ELMOD3: variants seen among roughly 807,000 people sequenced by gnomAD.
ELMOD3 encodes ELMO domain containing 3, also known as ELMO domain-containing protein 3.
A neutral mutation model predicts 47.4 loss-of-function variants in ELMOD3; 36 were observed. That is an observed-to-expected ratio of 0.76 (90% CI 0.58 to 1.00). The LOEUF (loss-of-function observed/expected upper bound fraction) is 1.00, where lower values mean the gene tolerates loss of function less well. Among genes scored for constraint, ELMOD3 ranks in the 50% least tolerant of loss-of-function variants. The pLI, the probability that ELMOD3 is intolerant of heterozygous loss-of-function variation, is 0.00. For missense variants in ELMOD3, 404 were observed against 463.8 expected (o/e 0.87, Z 1.18); for synonymous variants, 149 against 183.5 (o/e 0.81, Z 1.52).
intron 5 of ELMOD3, 24 bp from the exon 6 acceptor site, chr2:85,363,073 G>A: frequency 6.6e-7 from 1 of 1,525,258 alleles, no homozygotes; most frequent in Non-Finnish European, 9.1e-7. Flanking sequence ...CTATCCTCAA[G>A]CTAAAGGTCA....
At chr2:85,372,807 T>A (rs1051337683) in intron 10 of ELMOD3, 5 of 148,852 alleles carry the variant, frequency 3.4e-5, no homozygotes, top group African/African-American at 1.2e-4. Flanking sequence ...GGACAATCGC[T>A]TGAAACCGGG....
chr2:85,387,144 A>T, intron 11 of ELMOD3: 4 of 1,298,798 alleles, frequency 3.1e-6, no homozygotes, highest in Non-Finnish European at 4.1e-6. Flanking sequence ...AGTATATATG[A>T]TCATTAAATA....
intron 6 of ELMOD3, among the ~76,000 whole-genome samples, chr2:85,365,682 TG>T (rs1249218499): frequency 6.6e-6 from 1 of 152,220 alleles, no homozygotes; most frequent in Non-Finnish European, 1.5e-5. Flanking sequence ...AGCTTGCTAT[TG>T]CTGGTGGAAA....
At chr2:85,356,099 A>G (rs144525036) in intron 3 of ELMOD3, 21 of 152,362 alleles carry the variant, frequency 1.4e-4, no homozygotes, top group Non-Finnish European at 1.6e-4. Context: ...CGGATGTCCA[A>G]TTCCCCTGTG....
chr2:85,369,837 G>C lies in ELMOD3; in HGVS notation c.360+7G>C. On this transcript the variant is annotated splice_region_variant and intron_variant, in intron 8 of 13. Transcript: ENST00000409013. ...GGACCTTTCCCCCTTCAAGGTATGA[G>C]GGTAGCAGGGTTTGGAGTCTCAAGC... is the stretch of plus-strand genomic sequence containing the variant. The C allele has an allele frequency of 6.2e-7, 1 of 1,613,826 alleles. No homozygotes were observed. The highest frequency in any genetic ancestry group is 8.5e-7 in the Non-Finnish European group (1 of 1,179,852).
intron 11 of ELMOD3, among the ~76,000 whole-genome samples, chr2:85,385,777 T>G (rs953847860): frequency 7.0e-6 from 1 of 143,340 alleles, no homozygotes; most frequent in Non-Finnish European, 1.5e-5. Context: ...TCTAACTTAC[T>G]TTTTTTTTTT....
intron 9 of ELMOD3, 28 bp downstream of exon 9, chr2:85,371,237 G>A (rs1381630267): frequency 1.9e-6 from 3 of 1,614,102 alleles, no homozygotes; most frequent in South Asian, 1.1e-5. Flanking sequence ...CCACAGGGCA[G>A]TTGCTGCATC....
chr2:85,380,403 T>C (rs999654036), intron 11 of ELMOD3, among the ~76,000 whole-genome samples: 1 of 152,388 alleles, frequency 6.6e-6, no homozygotes, highest in South Asian at 2.1e-4. Context: ...TGCTTTGATA[T>C]TCATGAACAT....
At chr2:85,380,198 C>T (rs1462890936) in intron 11 of ELMOD3, among the ~76,000 whole-genome samples, 1 of 152,102 alleles carries the variant, frequency 6.6e-6, no homozygotes, top group Non-Finnish European at 1.5e-5. Context: ...AAATAGTTTC[C>T]AAATTCTGGA....
intron 11 of ELMOD3, among the ~76,000 whole-genome samples, chr2:85,386,565 AG>A (rs1016531448): frequency 6.6e-6 from 1 of 151,960 alleles, no homozygotes; most frequent in African/African-American, 2.4e-5. Flanking sequence ...TTGCGTTTTT[AG>A]GAGAGACAGC....
intron 12 of ELMOD3, 132 bp downstream of exon 12, chr2:85,389,959 G>A: frequency 3.8e-6 from 4 of 1,058,232 alleles, no homozygotes; most frequent in Non-Finnish European, 5.9e-6. Context: ...CCATGCACCG[G>A]TCTCCCCAGG....
At position 85,377,334 on chromosome 2, in the gene ELMOD3, T is replaced by A. The variant is rs1244088561; in HGVS notation, c.608-10T>A. The stretch of plus-strand genomic sequence containing the variant: ...TGCCACACCCTGTTTCCTCACGGTC[T>A]CTGTTACAGGAGCGAATCCAGCCAC... On this transcript the variant is annotated splice_polypyrimidine_tract_variant and intron_variant, in intron 10 of 13. Transcript: ENST00000409013. 3.2e-6 allele frequency: 5 copies of A among 1,581,742 alleles called. No individual in the cohort carries two copies. In the South Asian group the frequency reaches 5.8e-5, roughly 18 times the overall value.
chr2:85,379,172 A>G (rs972466191), intron 11 of ELMOD3, among the ~76,000 whole-genome samples: 3 of 152,040 alleles, frequency 2.0e-5, no homozygotes, highest in Non-Finnish European at 4.4e-5. Flanking sequence ...AAAAAAAAGG[A>G]GGAAAAGAAA....
chr2:85,374,364 TG>T (rs1455329748), intron 10 of ELMOD3, among the ~76,000 whole-genome samples: 1 of 152,098 alleles, frequency 6.6e-6, no homozygotes, highest in Admixed American at 6.6e-5. Flanking sequence ...TTTCTTGAGA[TG>T]GAGTCTCACT....
At position 85,382,952 on chromosome 2, in the gene ELMOD3, AAAC is replaced by A. The variant is rs1429136439; in HGVS notation, c.738+5481_738+5483del. ...TCCCAGAAGCAGGAAAAAAAAAAAAAAACAAAAAAAACTCATCTTCCCTGTTAG... is the reference window on the plus strand; with the variant it reads ...TCCCAGAAGCAGGAAAAAAAAAAAAAAAAAAAAACTCATCTTCCCTGTTAG... On this transcript the variant is annotated intron_variant, in intron 11 of 13. Coordinates refer to ENST00000409013, the MANE Select transcript of ELMOD3 (RefSeq NM_001135022.2). 7.0e-3 allele frequency among the ~76,000 whole-genome samples: 928 copies of A among 132,014 alleles called. 17 individuals carry two copies. The highest frequency in any genetic ancestry group is 0.021 in the African/African-American group (842 of 39,574). The allele number at this position is 132,014 out of a possible 152,430, so 86.6% of individuals were successfully genotyped here.
chr2:85,371,492 T>TA lies in ELMOD3; in HGVS notation c.539dup (p.Lys181GlufsTer8), dbSNP rs1684786870. On this transcript the variant is annotated frameshift_variant, in exon 10 of 14. Coordinates refer to ENST00000409013, the MANE Select transcript of ELMOD3 (RefSeq NM_001135022.2). LOFTEE classifies it high-confidence loss of function. ...ATGGCCGAGTCCTCCAGACCATCTA[T>TA]AAGAAGCTGACCGGCTCCAAGTTTG... The TA allele has an allele frequency of 1.2e-6, 2 of 1,614,224 alleles. No individual in the cohort carries two copies. Among genetic ancestry groups the TA allele is most frequent in the Non-Finnish European group, 1.7e-6 (2 of 1,180,040 alleles).
chr2:85,368,006 C>T (rs1319631178), intron 6 of ELMOD3, among the ~76,000 whole-genome samples: 1 of 151,994 alleles, frequency 6.6e-6, no homozygotes, highest in Non-Finnish European at 1.5e-5. Flanking sequence ...CCGCCTCCCG[C>T]GTTCACGCAT....
Position 85,371,572 on chromosome 2 carries a change from A to G in ELMOD3, c.607+10A>G. 6.2e-7 allele frequency: 1 copy of G among 1,613,990 alleles called. No individual in the cohort carries two copies. The highest frequency in any genetic ancestry group is 8.5e-7 in the Non-Finnish European group (1 of 1,179,928). On this transcript the variant is annotated intron_variant, in intron 10 of 13. Transcript: ENST00000409013. ...GACCTGGGCTTTCAGGGTAAGAGGG[A>G]GGAGTAGCTCATCTTCTTTTTCATG...
intron 9 of ELMOD3, 55 bp downstream of exon 9, chr2:85,371,264 CGT>C (rs756219282): frequency 1.2e-6 from 2 of 1,613,788 alleles, no homozygotes; most frequent in South Asian, 2.2e-5. Flanking sequence ...TGGGCAAGAC[CGT>C]GTGTGCTGAC....
Sources: gnomAD v4.1 joint callset for allele counts (sites outside exome capture counted in the v4.1 genomes callset) on GRCh38, gnomAD v4.1.1 for gene constraint, MANE v1.5 for transcripts, NCBI Gene and HGNC (gene_info 2026-07-23, HGNC 2026-07-21) for gene names.